The following PTK2B variants were observed in gnomAD, a reference collection of about 807,000 sequenced individuals.
PTK2B encodes protein-tyrosine kinase 2-beta.
Under a neutral mutation model 142.9 loss-of-function variants are expected in PTK2B, and 71 were observed. The ratio of observed to expected loss-of-function variants is 0.50; its 90% CI spans 0.41 to 0.61. The LOEUF (loss-of-function observed/expected upper bound fraction) is 0.61. Among genes scored for constraint, PTK2B ranks in the 20% least tolerant of loss-of-function variants. The pLI is 0.00. For missense variants in PTK2B, 1,105 were observed against 1,320.4 expected (o/e 0.84, Z 2.53); for synonymous variants, 519 against 503.4 (o/e 1.03, Z -0.42).
chr8:27,445,628 C>T (rs1286812095), intron 23 of PTK2B, among the ~76,000 whole-genome samples, 166 bp from the exon 24 acceptor site: 4 of 152,116 alleles, frequency 2.6e-5, no homozygotes, highest in Admixed American at 6.5e-5. Flanking sequence ...CCATCTCTCT[C>T]GGAGCAATGG....
chr8:27,329,222 C>T (rs1455502780), intron 1 of PTK2B, among the ~76,000 whole-genome samples: 1 of 152,202 alleles, frequency 6.6e-6, no homozygotes. Context: ...AGGTGTGAGC[C>T]ACCGCGTCTG....
At chr8:27,442,805 C>A in intron 21 of PTK2B, 70 bp from the exon 22 acceptor site, 2 of 1,392,752 alleles carry the variant, frequency 1.4e-6, no homozygotes, top group South Asian at 1.2e-5. Context: ...CCACGAAGTA[C>A]AAAGAGGAGC....
chr8:27,434,423 G>A (rs541943669), intron 12 of PTK2B, 90 bp from the exon 13 acceptor site: 1 of 1,377,958 alleles, frequency 7.3e-7, no homozygotes, highest in Non-Finnish European at 9.9e-7. Context: ...TTCTCCACAG[G>A]GGGCAGGAGG....
At chr8:27,421,269 A>T (rs1297892795) in intron 4 of PTK2B, among the ~76,000 whole-genome samples, 1 of 149,700 alleles carries the variant, frequency 6.7e-6, no homozygotes, top group East Asian at 1.9e-4. Context: ...CCTTACACGT[A>T]GCACTTACCT....
rs1013967572 is a variant in PTK2B at position 27,437,945 on chromosome 8, G to T, written c.1643+65G>T. On this transcript the variant is annotated intron_variant, in intron 18 of 30. Transcript: ENST00000346049. ...CCTTCACCAGATCCTCAAGGCCTCTGGGTAGAAGCAGGGCTTGTGGGTGAC... is the reference window on the plus strand; with the variant it reads ...CCTTCACCAGATCCTCAAGGCCTCTTGGTAGAAGCAGGGCTTGTGGGTGAC... The T allele has an allele frequency of 2.9e-6, 4 of 1,382,174 alleles. No homozygotes were observed. The African/African-American group carries it at 4.3e-5, about 15-fold the overall frequency. 85.6% of individuals were successfully genotyped at this position (1,382,174 alleles called of 1,614,324 possible). A position where few individuals can be genotyped will look rare whatever the true frequency, so the allele number is the denominator to read the frequency against.
intron 1 of PTK2B, among the ~76,000 whole-genome samples, chr8:27,341,958 A>C (rs1361645022): frequency 6.6e-6 from 1 of 152,086 alleles, no homozygotes; most frequent in African/African-American, 2.4e-5. Flanking sequence ...TTACACAGGT[A>C]TGATCCACCC....
upstream of PTK2B, among the ~76,000 whole-genome samples, chr8:27,321,026 C>G (rs142656433): frequency 0.019 from 1,718 of 92,628 alleles, 42 homozygotes; most frequent in African/African-American, 0.066. Flanking sequence ...GGGTGTTGCT[C>G]TGTTGCCCAA....
At chr8:27,316,682 G>A (rs1026174610) in intron 3 of PTK2B, among the ~76,000 whole-genome samples, 17 of 152,308 alleles carry the variant, frequency 1.1e-4, no homozygotes, top group African/African-American at 3.9e-4. Context: ...ACTGTAGTCC[G>A]ATGTACCTTT....
chr8:27,414,612 G>GTGTGTGTGTGTATGTGTGTGTGTT (rs1809281935), intron 2 of PTK2B, among the ~76,000 whole-genome samples: 1 of 152,080 alleles, frequency 6.6e-6, no homozygotes, highest in Non-Finnish European at 1.5e-5. Flanking sequence ...CTCTCTGTGT[G>GTGTGTGTGTGTATGTGTGTGTGTT]TGTGTGTGTA....
chr8:27,425,752 T>G (rs1810046593), intron 5 of PTK2B, among the ~76,000 whole-genome samples: 1 of 152,224 alleles, frequency 6.6e-6, no homozygotes, highest in Admixed American at 6.5e-5. Context: ...TTCACTGCCC[T>G]AAAATTTGTC....
chr8:27,401,530 A>G (rs1208681916), intron 2 of PTK2B, among the ~76,000 whole-genome samples: 1 of 152,226 alleles, frequency 6.6e-6, no homozygotes, highest in Non-Finnish European at 1.5e-5. Flanking sequence ...GAAGGAAAAG[A>G]AAGAAGGGAA....
In PTK2B at chr8:27,442,989, C is replaced by A; in HGVS notation, c.2148+6C>A. ...TCCAGGAACCCCCACCCAAGGTAAGCCAAGCCATGGCCTCATAAGTCCTGT... is the reference window on the plus strand; with the variant it reads ...TCCAGGAACCCCCACCCAAGGTAAGACAAGCCATGGCCTCATAAGTCCTGT... On this transcript the variant is annotated splice_donor_region_variant and intron_variant, in intron 22 of 30. Coordinates refer to ENST00000346049, the MANE Select transcript of PTK2B (RefSeq NM_173176.3). The A allele has an allele frequency of 1.2e-6, 2 of 1,607,244 alleles. No individual in the cohort carries two copies. Among genetic ancestry groups the A allele is most frequent in the Non-Finnish European group, 1.7e-6 (2 of 1,173,808 alleles).
intron 5 of PTK2B, among the ~76,000 whole-genome samples, chr8:27,427,236 A>G (rs947696996): frequency 4.6e-5 from 7 of 152,218 alleles, no homozygotes; most frequent in African/African-American, 1.4e-4. Flanking sequence ...TGAGGTGTCA[A>G]TTACAAGCAG....
Position 27,445,100 on chromosome 8 carries a change from TGGA to T in PTK2B, c.2215-693_2215-691del. Among the ~76,000 whole-genome samples, 3 of 152,060 alleles carry T rather than the reference TGGA, an allele frequency of 2.0e-5. No individual in the cohort carries two copies. In the East Asian group the frequency reaches 5.8e-4, roughly 29 times the overall value. On this transcript the variant is annotated intron_variant, in intron 23 of 30. Transcript: ENST00000346049. ...ATTTAAAACAGGGAGTTAGGTAGGG[TGGA>T]ACACACCTGTAGTCCCAGCTACTAA...
At chr8:27,430,023 T>A (rs1458999166) in intron 5 of PTK2B, 70 bp from the exon 6 acceptor site, 1 of 1,421,264 alleles carries the variant, frequency 7.0e-7, no homozygotes, top group African/African-American at 1.4e-5. Context: ...TCTGGTGGCA[T>A]GAGGTGCCCT....
chr8:27,397,645 G>A lies in PTK2B; in HGVS notation c.61G>A (p.Gly21Ser), dbSNP rs1210792308. 1 of 1,614,272 alleles carries A rather than the reference G, an allele frequency of 6.2e-7. No individual in the cohort carries two copies. Among genetic ancestry groups the A allele is most frequent in the South Asian group, 1.1e-5 (1 of 91,092 alleles). ...GTTGGGCACGTTACGCCGGCCTGAA[G>A]GCCCTGCAGAGCCCATGGTGGTGGT... is the stretch of plus-strand genomic sequence containing the variant. ...VKLGTLRRPE[G>S]PAEPMVVVPV... The change falls in exon 2 of 31, where the codon GGC becomes AGC. Residue 21 changes from glycine (G) to serine (S), a missense_variant. Transcript: ENST00000346049.
chr8:27,345,068 C>G (rs1425687666), intron 1 of PTK2B, among the ~76,000 whole-genome samples: 2 of 152,170 alleles, frequency 1.3e-5, no homozygotes, highest in African/African-American at 2.4e-5. Flanking sequence ...GAGGCTGAGG[C>G]AGGAGAATCG....
At chr8:27,313,892 C>T (rs1332699609) in intron 3 of PTK2B, among the ~76,000 whole-genome samples, 1 of 152,178 alleles carries the variant, frequency 6.6e-6, no homozygotes, top group Non-Finnish European at 1.5e-5. Flanking sequence ...AGCTGTGGAC[C>T]ATCAGGGAAT....
intron 5 of PTK2B, among the ~76,000 whole-genome samples, chr8:27,426,642 C>G (rs1479464227): frequency 6.6e-6 from 1 of 152,194 alleles, no homozygotes; most frequent in East Asian, 1.9e-4. Flanking sequence ...CAGATTGTGG[C>G]ACATCTGAGT....
Sources: gnomAD v4.1 joint callset for allele counts (sites outside exome capture counted in the v4.1 genomes callset) on GRCh38, gnomAD v4.1.1 for gene constraint, MANE v1.5 for transcripts, NCBI Gene and HGNC (gene_info 2026-07-23, HGNC 2026-07-21) for gene names.